SF1: variants seen among roughly 807,000 people sequenced by gnomAD.
SF1 encodes the protein branch point-binding protein.
Under a neutral mutation model 62.5 loss-of-function variants are expected in SF1, and 7 were observed. That is an observed-to-expected ratio of 0.11 (90% CI 0.06 to 0.21). The LOEUF (loss-of-function observed/expected upper bound fraction) is 0.21. Among genes scored for constraint, SF1 ranks in the 10% least tolerant of loss-of-function variants. The pLI is 1.00. For missense variants in SF1, 578 were observed against 884.0 expected (o/e 0.65, Z 4.39); for synonymous variants, 394 against 323.6 (o/e 1.22, Z -2.33).
intron 8 of SF1, among the ~76,000 whole-genome samples, chr11:64,768,564 A>C (rs1281030646): frequency 2.6e-5 from 4 of 152,240 alleles, no homozygotes; most frequent in Non-Finnish European, 5.9e-5. Context: ...CTCTCAAGTC[A>C]ATTTCATCAA....
In SF1 at chr11:64,766,943, GGGCGGAGGGGGT is replaced by G. The variant is rs745587983; in HGVS notation, c.1527_1538del (p.Pro510_Pro513del). On this transcript the variant is annotated inframe_deletion, in exon 12 of 13. Coordinates refer to ENST00000377390, the MANE Select transcript of SF1 (RefSeq NM_004630.4). ...GGGTACTGGAAGCCATACTGCTGCTGGGCGGAGGGGGTGGCGGAGGCTGCTGCTGCTGTTGTT... is the reference window on the plus strand; with the variant it reads ...GGGTACTGGAAGCCATACTGCTGCTGGGCGGAGGCTGCTGCTGCTGTTGTT... 5 of 1,488,836 alleles carry G rather than the reference GGGCGGAGGGGGT, an allele frequency of 3.4e-6. No individual in the cohort carries two copies. The highest frequency in any genetic ancestry group is 2.3e-5 in the Admixed American group (1 of 42,626). 92.2% of individuals were successfully genotyped at this position (1,488,836 alleles called of 1,614,324 possible). A position where few individuals can be genotyped will look rare whatever the true frequency, so the allele number is the denominator to read the frequency against.
rs909991042 is a variant in SF1 at position 64,764,795 on chromosome 11, C to G, written c.*1023G>C. 6.6e-6 allele frequency: 1 copy of G among 152,540 alleles called. No homozygotes were observed. The highest frequency in any genetic ancestry group is 1.5e-5 in the Non-Finnish European group (1 of 68,104). The allele number at this position is 152,540 out of a possible 1,614,324, so 9.4% of individuals were successfully genotyped here. A position where few individuals can be genotyped will look rare whatever the true frequency, so the allele number is the denominator to read the frequency against. ...GGGAGGAAAAAGGAAGGAGAATGAA[C>G]AAGGGGCTCAAACCCCTACACACTG... On this transcript the variant is annotated 3_prime_UTR_variant, in exon 13 of 13. Coordinates refer to ENST00000377390, the MANE Select transcript of SF1 (RefSeq NM_004630.4).
rs868273484 is a variant in SF1, at chr11:64,774,040, A to G, written c.161-535T>C. On this transcript the variant is annotated intron_variant, in intron 2 of 12. Coordinates refer to ENST00000377390, the MANE Select transcript of SF1 (RefSeq NM_004630.4). The stretch of plus-strand genomic sequence containing the variant: ...ACATTTAAAATTCCTTAAATAAGAC[A>G]TTTAATAACAAAATTCAACACCTTA... Among the ~76,000 whole-genome samples the G allele has an allele frequency of 5.9e-5, 9 of 152,236 alleles. No homozygotes were observed. The East Asian group carries it at 1.2e-3, about 19-fold the overall frequency.
intron 3 of SF1, chr11:64,771,805 T>C (rs2135939269): frequency 4.1e-6 from 4 of 985,328 alleles, no homozygotes; most frequent in South Asian, 4.7e-5. Flanking sequence ...TTAAGTGATA[T>C]AACACCTTTT....
chr11:64,767,663 G>C lies in SF1; in HGVS notation c.1250C>G (p.Pro417Arg). 1 of 1,606,970 alleles carries C rather than the reference G, an allele frequency of 6.2e-7. No individual in the cohort carries two copies. Among genetic ancestry groups the C allele is most frequent in the Non-Finnish European group, 8.5e-7 (1 of 1,176,500 alleles). Residue 417 changes from proline to arginine, a missense_variant, in exon 10 of 13, where the codon CCC becomes CGC. Transcript: ENST00000377390. ...GHGGHPMQHN[P>R]NGPPPPWMQP... ...CATCCAAGGGGGTGGGGGTCCATTG[G>C]GGTTGTGCTGCATGGGATGTCCACC...
At chr11:64,772,708 T>G in intron 3 of SF1, 1 of 985,402 alleles carries the variant, frequency 1.0e-6, no homozygotes, top group Non-Finnish European at 1.2e-6. Flanking sequence ...TTAAAAAAGT[T>G]CATCTCCCCC....
At chr11:64,776,709 G>A (rs1268821357) in intron 1 of SF1, 83 bp from the exon 2 acceptor site, 5 of 1,339,478 alleles carry the variant, frequency 3.7e-6, no homozygotes, top group Admixed American at 2.3e-5. Context: ...GTACTACACA[G>A]AAACTCAGCA....
intron 1 of SF1, among the ~76,000 whole-genome samples, chr11:64,777,331 G>A (rs1027929708): frequency 1.4e-4 from 21 of 152,216 alleles, no homozygotes; most frequent in East Asian, 7.7e-4. Flanking sequence ...TATTTCCCAA[G>A]GGGTACAGGA....
At chr11:64,777,832 C>A (rs1370179344) in intron 1 of SF1, 2 of 960,938 alleles carry the variant, frequency 2.1e-6, no homozygotes, top group Non-Finnish European at 2.5e-6. Flanking sequence ...GCCCTAGAAC[C>A]AGGCCGCGCG....
At chr11:64,767,975 T>C in intron 9 of SF1, 131 bp from the exon 10 acceptor site, 2 of 1,444,508 alleles carry the variant, frequency 1.4e-6, no homozygotes, top group South Asian at 2.6e-5. Context: ...CAAACTGGCC[T>C]GAGATCCCGG....
intron 1 of SF1, 181 bp downstream of exon 1, chr11:64,778,181 G>A (rs1939711126): frequency 3.1e-6 from 3 of 982,090 alleles, no homozygotes; most frequent in East Asian, 9.0e-5. Flanking sequence ...CGGCGGAGGC[G>A]GCGGAGGCAG....
In SF1 at chr11:64,765,355, G is replaced by C; in HGVS notation, c.*463C>G. On this transcript the variant is annotated 3_prime_UTR_variant, in exon 13 of 13. Transcript: ENST00000377390. ...ATTAATAAAAATTTCACGATATGGA[G>C]CCAGCGTGTTCCGATTCCGTCCACA... The C allele has an allele frequency of 1.2e-6, 1 of 812,920 alleles. No individual in the cohort carries two copies. The highest frequency in any genetic ancestry group is 2.1e-6 in the Non-Finnish European group (1 of 476,956). 50.4% of individuals were successfully genotyped at this position (812,920 alleles called of 1,614,324 possible).
rs1370489347 is a variant in SF1 at position 64,764,768 on chromosome 11, G to T, written c.*1050C>A. 1 of 152,630 alleles carries T rather than the reference G, an allele frequency of 6.6e-6. No individual in the cohort carries two copies. The highest frequency in any genetic ancestry group is 1.5e-5 in the Non-Finnish European group (1 of 68,104). 9.5% of individuals were successfully genotyped at this position (152,630 alleles called of 1,614,324 possible). A position where few individuals can be genotyped will look rare whatever the true frequency, so the allele number is the denominator to read the frequency against. On this transcript the variant is annotated 3_prime_UTR_variant, in exon 13 of 13. Transcript: ENST00000377390. Reference sequence around the variant, plus strand: ...ACAGAATCACTTCATGGAGAGGGAAGCGGGAGGAAAAAGGAAGGAGAATGA... The same window carrying T: ...ACAGAATCACTTCATGGAGAGGGAATCGGGAGGAAAAAGGAAGGAGAATGA...
chr11:64,765,957 C>A lies in SF1; in HGVS notation c.1781G>T (p.Gly594Val). The A allele has an allele frequency of 6.3e-7, 1 of 1,587,042 alleles. No individual in the cohort carries two copies. The highest frequency in any genetic ancestry group is 8.6e-7 in the Non-Finnish European group (1 of 1,166,932). ...AGGAGGGGGCGGGGCATACATCATG[C>A]CGGCGGAACCAGGCGGTGGAGGCGG... ...PPPPPPPGSA[G>V]MMYAPPPPPP... The change falls in exon 13 of 13, where the codon GGC (glycine) becomes GTC (valine). Residue 594 changes from glycine to valine, a missense_variant. Gly to Val is a moderately radical substitution (Grantham distance 109). Coordinates refer to ENST00000377390, the MANE Select transcript of SF1 (RefSeq NM_004630.4).
Position 64,778,025 on chromosome 11 carries a change from C to A in SF1, c.31+337G>T, listed in dbSNP as rs866375427. The A allele has an allele frequency of 4.0e-6, 4 of 1,006,956 alleles. No homozygotes were observed. In the African/African-American group the frequency reaches 5.2e-5, roughly 13 times the overall value. 62.4% of individuals were successfully genotyped at this position (1,006,956 alleles called of 1,614,324 possible). A position where few individuals can be genotyped will look rare whatever the true frequency, so the allele number is the denominator to read the frequency against. On this transcript the variant is annotated intron_variant, in intron 1 of 12. Coordinates refer to ENST00000377390, the MANE Select transcript of SF1 (RefSeq NM_004630.4). ...GGCCGGGCCCGGCTGCTGGTCCTTA[C>A]GCGGCGGCTGGGGTGGCGGCGGCTG...
At position 64,765,308 on chromosome 11, in the gene SF1, G is replaced by C; in HGVS notation, c.*510C>G. On this transcript the variant is annotated 3_prime_UTR_variant, in exon 13 of 13. Coordinates refer to ENST00000377390, the MANE Select transcript of SF1 (RefSeq NM_004630.4). ...TCTGAAGAAAGGAAAAGATAAAGAA[G>C]TAACAAAGGAAAAAGAAAAAAATTA... 1 of 646,548 alleles carries C rather than the reference G, an allele frequency of 1.5e-6. No individual in the cohort carries two copies. Among genetic ancestry groups the C allele is most frequent in the Non-Finnish European group, 2.8e-6 (1 of 358,258 alleles). The allele number at this position is 646,548 out of a possible 1,614,324, so 40.1% of individuals were successfully genotyped here.
At position 64,767,648 on chromosome 11, in the gene SF1, G is replaced by A; in HGVS notation, c.1265C>T (p.Pro422Leu). ...PMQHNPNGPP[P>L]PWMQPPPPPM... Reference sequence around the variant, plus strand: ...TGGTGGTGGTGGCTGCATCCAAGGGGGTGGGGGTCCATTGGGGTTGTGCTG... The same window carrying A: ...TGGTGGTGGTGGCTGCATCCAAGGGAGTGGGGGTCCATTGGGGTTGTGCTG... The change falls in exon 10 of 13, where the codon CCC (proline) becomes CTC (leucine). Residue 422 changes from proline to leucine, a missense_variant. Transcript: ENST00000377390. 3.7e-6 allele frequency: 6 copies of A among 1,601,834 alleles called. No homozygotes were observed. Among genetic ancestry groups the A allele is most frequent in the Non-Finnish European group, 5.1e-6 (6 of 1,173,396 alleles).
chr11:64,768,152 G>A lies in SF1; in HGVS notation c.1022C>T (p.Ala341Val). 1 of 1,613,806 alleles carries A rather than the reference G, an allele frequency of 6.2e-7. No individual in the cohort carries two copies. Among genetic ancestry groups the A allele is most frequent in the East Asian group, 2.2e-5 (1 of 44,868 alleles). The change falls in exon 9 of 13, where the codon GCC (alanine) becomes GTC (valine). Residue 341 changes from alanine to valine, a missense_variant. Transcript: ENST00000377390. ...STSGPATTPLASAPRPAAPAN... is the reference protein window; with the variant it reads ...STSGPATTPLVSAPRPAAPAN... ...GGGAGCAGCAGGACGAGGTGCGCTG[G>A]CCAGGGGTGTGGTGGCAGGCCCAGA...
intron 2 of SF1, chr11:64,776,236 T>C: frequency 7.6e-6 from 3 of 394,112 alleles, no homozygotes; most frequent in Non-Finnish European, 1.4e-5. Context: ...GGGTGGCTGC[T>C]GGACTGGGGA....
Sources: gnomAD v4.1 joint callset for allele counts (sites outside exome capture counted in the v4.1 genomes callset) on GRCh38, gnomAD v4.1.1 for gene constraint, MANE v1.5 for transcripts, NCBI Gene and HGNC (gene_info 2026-07-23, HGNC 2026-07-21) for gene names.